The following FBLN1 variants were observed in gnomAD, a reference collection of about 807,000 sequenced individuals.
FBLN1 encodes the protein fibulin 1.
In FBLN1, 34 loss-of-function variants were observed where a neutral mutation model predicts 89.7. The observed-to-expected ratio is 0.38, with a 90% CI of 0.29 to 0.50. The LOEUF is 0.50. Among genes scored for constraint, FBLN1 ranks in the 20% least tolerant of loss-of-function variants. FBLN1 has a pLI of 0.92. For synonymous variants in FBLN1, 393 were observed against 391.3 expected, an observed-to-expected ratio of 1.00 and a Z score of -0.05; for missense variants, 777 against 988.1, an observed-to-expected ratio of 0.79 and a Z score of 2.86.
At chr22:45,534,002 C>T in intron 7 of FBLN1, 104 bp downstream of exon 7, 1 of 1,499,790 alleles carries the variant, frequency 6.7e-7, no homozygotes, top group South Asian at 1.1e-5. Flanking sequence ...CCTGCGCCCT[C>T]TGTGGCTGCC....
chr22:45,513,361 G>A (rs145668621), intron 1 of FBLN1, among the ~76,000 whole-genome samples: 46 of 147,472 alleles, frequency 3.1e-4, no homozygotes, highest in African/African-American at 1.1e-3. Flanking sequence ...CTGGAATGCA[G>A]TGGCATAATC....
intron 14 of FBLN1, among the ~76,000 whole-genome samples, chr22:45,569,928 T>A (rs1356102417): frequency 6.6e-6 from 1 of 152,056 alleles, no homozygotes. Context: ...CAGAATGATA[T>A]CCCTCTGGGT....
intron 2 of FBLN1, among the ~76,000 whole-genome samples, chr22:45,521,916 T>C (rs2088256499): frequency 6.6e-6 from 1 of 152,116 alleles, no homozygotes; most frequent in Non-Finnish European, 1.5e-5. Flanking sequence ...ATCCTCTTAA[T>C]AGTGATATTT....
chr22:45,529,734 C>T (rs1484073245), intron 4 of FBLN1, among the ~76,000 whole-genome samples: 6 of 152,210 alleles, frequency 3.9e-5, no homozygotes, highest in South Asian at 2.1e-4. Context: ...GGCGTGGTGG[C>T]GGGCGCCTGT....
chr22:45,502,893 G>C lies in FBLN1; in HGVS notation c.-93G>C, dbSNP rs557863470. The stretch of plus-strand genomic sequence containing the variant: ...CGGCCCTGGCCCAGCGTTGGCTGCC[G>C]AGGCTCGGCCGGAGCGTGGAGCCCG... On this transcript the variant is annotated 5_prime_UTR_variant, in exon 1 of 17. Coordinates refer to ENST00000327858, the MANE Select transcript of FBLN1 (RefSeq NM_006486.3). 5 of 434,412 alleles carry C rather than the reference G, an allele frequency of 1.2e-5. No individual in the cohort carries two copies. In the South Asian group the frequency reaches 4.6e-4, roughly 40 times the overall value. The allele number at this position is 434,412 out of a possible 1,614,324, so 26.9% of individuals were successfully genotyped here.
At position 45,531,497 on chromosome 22, in the gene FBLN1, G is replaced by A. The variant is rs1276725576; in HGVS notation, c.544+173G>A. ...ACTGCACCTTTGCACTCTAGCCTGG[G>A]CAACAGAGCTGGACCCCGTCTCAAA... On this transcript the variant is annotated intron_variant, in intron 5 of 16. Coordinates refer to ENST00000327858, the MANE Select transcript of FBLN1 (RefSeq NM_006486.3). This position sits in a 1 kb window ranked among gnomAD's most constrained non-coding sequence, Gnocchi z 4.9. 1.3e-5 allele frequency among the ~76,000 whole-genome samples: 2 copies of A among 152,156 alleles called. No individual in the cohort carries two copies. The highest frequency in any genetic ancestry group is 2.1e-4 in the South Asian group (1 of 4,820).
intron 16 of FBLN1, among the ~76,000 whole-genome samples, chr22:45,589,790 AC>A (rs1467441228): frequency 3.3e-5 from 5 of 151,924 alleles, no homozygotes; most frequent in African/African-American, 1.2e-4. Context: ...AACTGAGAGC[AC>A]CAAGCTGCCT....
intron 8 of FBLN1, among the ~76,000 whole-genome samples, chr22:45,540,974 G>A (rs892306392): frequency 1.2e-4 from 18 of 152,258 alleles, no homozygotes; most frequent in Middle Eastern, 3.2e-3. Context: ...CCGATTTGGC[G>A]CAGCGAACGA....
Position 45,576,998 on chromosome 22 carries a change from T to C in FBLN1, c.1862T>C (p.Ile621Thr). 1 of 1,614,062 alleles carries C rather than the reference T, an allele frequency of 6.2e-7. No individual in the cohort carries two copies. Among genetic ancestry groups the C allele is most frequent in the Non-Finnish European group, 8.5e-7 (1 of 1,180,036 alleles). ...GCAGAGATCATCTTCCTCCGGGCCA[T>C]CACGCCACCGCATCCTGCCAGCCAG... ...RPEEIIFLRA[I>T]TPPHPASQAN... is the part of the protein sequence containing the mutation. Residue 621 changes from isoleucine to threonine, a missense_variant, in exon 16 of 17, where the codon ATC becomes ACC. Physicochemically the swap from Ile to Thr is moderately conservative, Grantham distance 89. Coordinates refer to ENST00000327858, the MANE Select transcript of FBLN1 (RefSeq NM_006486.3). The surrounding 1 kb of genome is among the most constrained non-coding windows in gnomAD (Gnocchi z 5.2).
chr22:45,576,592 G>A lies in FBLN1; in HGVS notation c.1841-385G>A, dbSNP rs1425553594. 6.6e-6 allele frequency among the ~76,000 whole-genome samples: 1 copy of A among 152,082 alleles called. No homozygotes were observed. The highest frequency in any genetic ancestry group is 1.5e-5 in the Non-Finnish European group (1 of 68,018). On this transcript the variant is annotated intron_variant, in intron 15 of 16. Coordinates refer to ENST00000327858, the MANE Select transcript of FBLN1 (RefSeq NM_006486.3). The surrounding 1 kb of genome is among the most constrained non-coding windows in gnomAD (Gnocchi z 5.2). ...GACCTGTGGCACTATAGATGGGAGA[G>A]GAGCCCACCCCTCTGGCCTTTCTGC...
At chr22:45,538,682 C>A (rs558199002) in intron 8 of FBLN1, among the ~76,000 whole-genome samples, 4 of 152,280 alleles carry the variant, frequency 2.6e-5, no homozygotes, top group African/African-American at 7.2e-5. Flanking sequence ...CCTGGTCCCC[C>A]AGCACGCACC....
rs368282050 is a variant in FBLN1 at position 45,549,816 on chromosome 22, G to A, written c.1574-676G>A. On this transcript the variant is annotated intron_variant, in intron 13 of 16. Transcript: ENST00000327858. This position sits in a 1 kb window ranked among gnomAD's most constrained non-coding sequence, Gnocchi z 5.7. ...CTCCCCCATCTCCAGGGGCCTCTCA[G>A]TGTGGTGCCCCAGGCCCCATCCCAG... is the stretch of plus-strand genomic sequence containing the variant. Among the ~76,000 whole-genome samples the A allele has an allele frequency of 6.6e-6, 1 of 152,166 alleles. No individual in the cohort carries two copies.
chr22:45,528,376 G>C (rs1232551491), intron 4 of FBLN1, among the ~76,000 whole-genome samples: 1 of 151,740 alleles, frequency 6.6e-6, no homozygotes. Context: ...ATCTCTCTCT[G>C]TCACCCAGGC....
intron 8 of FBLN1, 111 bp from the exon 9 acceptor site, chr22:45,541,118 T>G: frequency 1.4e-6 from 2 of 1,386,942 alleles, no homozygotes; most frequent in Non-Finnish European, 2.0e-6. Context: ...AGCCCCTCCA[T>G]TTGTGGTTTT....
At chr22:45,517,458 G>A (rs1168676553) in intron 1 of FBLN1, 6 of 440,304 alleles carry the variant, frequency 1.4e-5, no homozygotes, top group East Asian at 7.1e-5. Context: ...CACTGGGGCT[G>A]TAGCCTGGGC....
intron 2 of FBLN1, among the ~76,000 whole-genome samples, chr22:45,525,167 G>C (rs879641685): frequency 7.3e-6 from 1 of 136,484 alleles, no homozygotes; most frequent in Non-Finnish European, 1.5e-5. Flanking sequence ...GAAGGAAAGA[G>C]AGAAAGGGAG....
At chr22:45,589,510 T>C (rs1042323683) in intron 16 of FBLN1, among the ~76,000 whole-genome samples, 6 of 152,340 alleles carry the variant, frequency 3.9e-5, no homozygotes, top group Admixed American at 6.5e-5. Context: ...AAAGGGACAT[T>C]GAGGACGTGG....
intron 2 of FBLN1, among the ~76,000 whole-genome samples, chr22:45,524,494 G>A (rs1267975741): frequency 1.3e-5 from 2 of 152,160 alleles, no homozygotes; most frequent in African/African-American, 2.4e-5. Context: ...GCAGCTAGGT[G>A]CCACTGCAGC....
intron 1 of FBLN1, among the ~76,000 whole-genome samples, chr22:45,514,234 G>C (rs879458793): frequency 6.6e-6 from 1 of 152,224 alleles, no homozygotes; most frequent in Admixed American, 6.5e-5. Flanking sequence ...AGCTTGTAAA[G>C]AGGTCGGTGC....
Sources: allele counts gnomAD v4.1 joint callset (sites outside exome capture counted in the v4.1 genomes callset), GRCh38; gene constraint gnomAD v4.1.1; non-coding constraint Gnocchi (gnomAD v3.1); transcripts MANE v1.5; gene names NCBI Gene and HGNC (gene_info 2026-07-23, HGNC 2026-07-21).